The following GRID2 variants were observed in gnomAD, a reference collection of about 807,000 sequenced individuals.
GRID2 encodes glutamate ionotropic receptor delta type subunit 2, also known as glutamate receptor ionotropic, delta-2.
GRID2 carries 33 observed loss-of-function variants against 114.8 expected under a neutral mutation model. The ratio of observed to expected loss-of-function variants is 0.29; its 90% CI spans 0.22 to 0.38. GRID2 has a LOEUF of 0.38. Ranked by LOEUF, GRID2 falls within the 10% of genes least tolerant of loss-of-function variation. The pLI is 1.00. For synonymous variants in GRID2, 505 were observed against 449.9 expected, an observed-to-expected ratio of 1.12 and a Z score of -1.55; for missense variants, 1,184 against 1,257.7, an observed-to-expected ratio of 0.94 and a Z score of 0.89.
chr4:93,758,345 A>C (rs1732932310), intron 14 of GRID2, among the ~76,000 whole-genome samples: 1 of 152,212 alleles, frequency 6.6e-6, no homozygotes, highest in Admixed American at 6.5e-5. Flanking sequence ...CACTGAATTT[A>C]TCCACAAACT....
intron 4 of GRID2, among the ~76,000 whole-genome samples, chr4:93,144,675 TCACCA>T (rs1736044644): frequency 1.3e-5 from 2 of 152,186 alleles, no homozygotes; most frequent in Non-Finnish European, 2.9e-5. Context: ...GACAGGATAA[TCACCA>T]AATCAGGTCA....
chr4:93,684,548 A>T (rs1199090085), intron 14 of GRID2, among the ~76,000 whole-genome samples: 1 of 152,098 alleles, frequency 6.6e-6, no homozygotes, highest in African/African-American at 2.4e-5. Flanking sequence ...AGTTTGACTC[A>T]GGTGTTCTCA....
intron 1 of GRID2, among the ~76,000 whole-genome samples, chr4:92,327,840 T>C (rs1204580726): frequency 6.6e-6 from 1 of 151,822 alleles, no homozygotes; most frequent in Non-Finnish European, 1.5e-5. Flanking sequence ...AGAAAGAAAC[T>C]AAAAAAGAAA....
intron 14 of GRID2, among the ~76,000 whole-genome samples, chr4:93,731,530 T>A (rs1416053032): frequency 1.3e-5 from 2 of 152,160 alleles, no homozygotes; most frequent in African/African-American, 4.8e-5. Flanking sequence ...CACAATAAAA[T>A]CATTAGTATG....
At chr4:92,720,517 T>C (rs1169319537) in intron 2 of GRID2, among the ~76,000 whole-genome samples, 5 of 152,056 alleles carry the variant, frequency 3.3e-5, no homozygotes, top group South Asian at 4.1e-4. Flanking sequence ...AAAAGCTCTT[T>C]GCGAGACTCC....
chr4:93,726,557 T>A (rs566973771), intron 14 of GRID2, among the ~76,000 whole-genome samples: 3 of 152,316 alleles, frequency 2.0e-5, no homozygotes, highest in Admixed American at 2.0e-4. Flanking sequence ...TAGCATTGAA[T>A]CTATAAATTA....
downstream of GRID2, among the ~76,000 whole-genome samples, chr4:93,777,302 T>G (rs1578789730): frequency 6.6e-6 from 1 of 152,342 alleles, no homozygotes; most frequent in East Asian, 1.9e-4. Flanking sequence ...TCCTATGTCG[T>G]CAATAGTATT....
chr4:92,636,359 T>C (rs1579732888), intron 2 of GRID2, among the ~76,000 whole-genome samples: 3 of 152,064 alleles, frequency 2.0e-5, no homozygotes, highest in African/African-American at 7.2e-5. Flanking sequence ...TATCACCAAG[T>C]TTAAAGTTAG....
At chr4:93,181,613 T>C (rs1319858274) in intron 4 of GRID2, among the ~76,000 whole-genome samples, 1 of 152,214 alleles carries the variant, frequency 6.6e-6, no homozygotes, top group Admixed American at 6.5e-5. Context: ...CTAGATCTTC[T>C]GGATAACTTG....
intron 2 of GRID2, among the ~76,000 whole-genome samples, chr4:93,070,071 T>C (rs1728678034): frequency 6.6e-6 from 1 of 152,150 alleles, no homozygotes; most frequent in South Asian, 2.1e-4. Flanking sequence ...TTTTTATATT[T>C]AAGTTGCACA....
rs1273180876 is a variant in GRID2, at chr4:93,023,847, G to A, written c.245-61148G>A. Reference sequence around the variant, plus strand: ...CATTATTCTAAACAAAGAAATAATAGAGCACCTGTAGCTGTGTTTCAGCAG... The same window carrying A: ...CATTATTCTAAACAAAGAAATAATAAAGCACCTGTAGCTGTGTTTCAGCAG... On this transcript the variant is annotated intron_variant, in intron 2 of 15. Transcript: ENST00000282020. 2.6e-5 allele frequency among the ~76,000 whole-genome samples: 4 copies of A among 151,784 alleles called. No homozygotes were observed. The East Asian group carries it at 7.7e-4, about 29-fold the overall frequency.
intron 8 of GRID2, among the ~76,000 whole-genome samples, chr4:93,352,490 C>A (rs1760902211): frequency 6.6e-6 from 1 of 151,830 alleles, no homozygotes; most frequent in Admixed American, 6.6e-5. Flanking sequence ...CCAATCAGTG[C>A]AAGTCTATAA....
At chr4:93,589,921 T>G (rs1738008794) in intron 13 of GRID2, among the ~76,000 whole-genome samples, 1 of 150,772 alleles carries the variant, frequency 6.6e-6, no homozygotes, top group Admixed American at 6.6e-5. Flanking sequence ...TCTTGTAAAT[T>G]TGTTTGAGTT....
chr4:93,652,027 T>G (rs1425476835), intron 14 of GRID2, among the ~76,000 whole-genome samples: 2 of 152,218 alleles, frequency 1.3e-5, no homozygotes, highest in Non-Finnish European at 2.9e-5. Flanking sequence ...GGAAAGATTA[T>G]TTAAAGAACA....
chr4:92,962,519 T>G lies in GRID2; in HGVS notation c.245-122476T>G, dbSNP rs77602121. Among the ~76,000 whole-genome samples, 784 of 152,094 alleles carry G rather than the reference T, an allele frequency of 5.2e-3. 7 individuals carry two copies. Among genetic ancestry groups the G allele is most frequent in the African/African-American group, 0.018 (750 of 41,522 alleles). ...AGCCTGCTGGAGTTGGGCATTTCCC[T>G]TTCCCAGGTCATGTAGACTCGAATT... On this transcript the variant is annotated intron_variant, in intron 2 of 15. Coordinates refer to ENST00000282020, the MANE Select transcript of GRID2 (RefSeq NM_001510.4).
chr4:92,710,879 T>C (rs1735212834), intron 2 of GRID2, among the ~76,000 whole-genome samples: 2 of 151,898 alleles, frequency 1.3e-5, no homozygotes, highest in Non-Finnish European at 2.9e-5. Context: ...ATAAATTGCT[T>C]GCAACTTAAA....
At chr4:92,764,094 T>C (rs573758778) in intron 2 of GRID2, among the ~76,000 whole-genome samples, 13 of 152,184 alleles carry the variant, frequency 8.5e-5, no homozygotes, top group Non-Finnish European at 1.6e-4. Context: ...AAGATGGTTG[T>C]CTGTGCTCTA....
chr4:92,546,866 T>A (rs1279345499), intron 1 of GRID2, among the ~76,000 whole-genome samples: 2 of 152,212 alleles, frequency 1.3e-5, no homozygotes, highest in African/African-American at 4.8e-5. Flanking sequence ...TGAGGCATAA[T>A]GTGAAAGTCT....
At chr4:93,446,665 C>T (rs1722121566) in intron 10 of GRID2, among the ~76,000 whole-genome samples, 1 of 151,974 alleles carries the variant, frequency 6.6e-6, no homozygotes, top group Non-Finnish European at 1.5e-5. Context: ...TTGCTTGAAA[C>T]AGACTCCAGC....
Sources: allele counts gnomAD v4.1 joint callset (sites outside exome capture counted in the v4.1 genomes callset), GRCh38; gene constraint gnomAD v4.1.1; transcripts MANE v1.5; gene names NCBI Gene and HGNC (gene_info 2026-07-23, HGNC 2026-07-21).